The following KLRG1 variants were observed in gnomAD, a reference collection of about 807,000 sequenced individuals.
KLRG1 encodes killer cell lectin-like receptor subfamily G member 1.
A neutral mutation model predicts 21.8 loss-of-function variants in KLRG1; 16 were observed. That is an observed-to-expected ratio of 0.73 (90% CI 0.50 to 1.11). KLRG1 has a LOEUF of 1.11. Among genes scored for constraint, KLRG1 ranks in the 50% most tolerant of loss-of-function variants. KLRG1 has a pLI of 0.00. For missense variants in KLRG1, 173 were observed against 218.3 expected (o/e 0.79, Z 1.31); for synonymous variants, 69 against 75.9 (o/e 0.91, Z 0.47).
chr12:9,001,450 T>A (rs1482193738), intron 3 of KLRG1, among the ~76,000 whole-genome samples: 1 of 152,150 alleles, frequency 6.6e-6, no homozygotes, highest in Non-Finnish European at 1.5e-5. Context: ...CTGCAGGCTC[T>A]ACCCAAACCC....
At chr12:9,201,340 A>G in the KLRG1 span, 1 of 1,557,144 alleles carries the variant, frequency 6.4e-7, no homozygotes. Context: ...AAGGTATATC[A>G]GTGGAATCTA....
chr12:9,031,422 C>G, the KLRG1 span, among the ~76,000 whole-genome samples: 1 of 152,122 alleles, frequency 6.6e-6, no homozygotes. Context: ...GAGGACTTAC[C>G]CGTTCCACCG....
At chr12:9,083,651 T>C in the KLRG1 span, among the ~76,000 whole-genome samples, 1 of 150,254 alleles carries the variant, frequency 6.7e-6, no homozygotes, top group Non-Finnish European at 1.5e-5. Flanking sequence ...TTATGGGACA[T>C]CATCATGAAA....
chr12:8,993,755 T>G (rs1438575181), intron 2 of KLRG1, among the ~76,000 whole-genome samples: 1 of 152,218 alleles, frequency 6.6e-6, no homozygotes, highest in Non-Finnish European at 1.5e-5. Context: ...TTTAACAGCT[T>G]GATCTCCAGA....
Position 8,978,048 on chromosome 12 carries a change from C to T in KLRG1, c.-155-14158C>T, listed in dbSNP as rs745575206. On this transcript the variant is annotated intron_variant, in intron 1 of 4. Transcript: ENST00000539240. ...TAATTTTTGCATTAAGAGTTTCATT[C>T]TTTTCATAGTGTGCATTGGTTAACA... Among the ~76,000 whole-genome samples the T allele has an allele frequency of 3.3e-5, 5 of 152,206 alleles. No homozygotes were observed. In the East Asian group the frequency reaches 5.8e-4, roughly 18 times the overall value.
chr12:9,027,896 A>G, the KLRG1 span: 6 of 886,350 alleles, frequency 6.8e-6, no homozygotes, highest in South Asian at 7.8e-5. Context: ...AGTTTCCAGA[A>G]CCATTTCGAC....
the KLRG1 span, among the ~76,000 whole-genome samples, chr12:9,130,267 A>T: frequency 6.6e-6 from 1 of 152,208 alleles, no homozygotes; most frequent in Non-Finnish European, 1.5e-5. Flanking sequence ...GTGGTATATA[A>T]ATATCTCTTC....
chr12:9,107,447 C>A, the KLRG1 span: 2 of 1,549,104 alleles, frequency 1.3e-6, no homozygotes, highest in South Asian at 1.2e-5. Flanking sequence ...CTTCCTGCGT[C>A]AGAAAAATGC....
the KLRG1 span, among the ~76,000 whole-genome samples, chr12:9,190,637 C>T: frequency 6.6e-6 from 1 of 152,058 alleles, no homozygotes; most frequent in Non-Finnish European, 1.5e-5. Context: ...GTACAACAAA[C>T]CCCATGACAC....
chr12:9,057,079 A>G, the KLRG1 span, among the ~76,000 whole-genome samples: 5 of 152,184 alleles, frequency 3.3e-5, no homozygotes, highest in Non-Finnish European at 5.9e-5. Context: ...ATATACATGT[A>G]TATTACAGGT....
At chr12:9,163,597 T>G in the KLRG1 span, 50 of 1,525,226 alleles carry the variant, frequency 3.3e-5, no homozygotes, top group South Asian at 5.6e-4. Context: ...TTAATGGTTC[T>G]TTGTTGTCTC....
the KLRG1 span, chr12:9,070,671 AG>A: frequency 1.1e-5 from 9 of 822,122 alleles, no homozygotes; most frequent in South Asian, 1.4e-4. Flanking sequence ...CAGCTCTAAA[AG>A]GTACACGTAA....
At chr12:9,100,427 C>CTTAT in the KLRG1 span, among the ~76,000 whole-genome samples, 2,988 of 151,636 alleles carry the variant, frequency 0.02, 45 homozygotes, top group Middle Eastern at 0.048. Flanking sequence ...CCCCTTTGTT[C>CTTAT]TTATTTATTT....
chr12:9,041,249 C>G, the KLRG1 span, among the ~76,000 whole-genome samples: 1 of 152,160 alleles, frequency 6.6e-6, no homozygotes, highest in East Asian at 1.9e-4. Context: ...GCAGGAGAAT[C>G]ACTCGAACCT....
chr12:9,111,036 G>T, the KLRG1 span, among the ~76,000 whole-genome samples: 1 of 152,026 alleles, frequency 6.6e-6, no homozygotes, highest in Non-Finnish European at 1.5e-5. Flanking sequence ...ATTAAGATGG[G>T]TCATAGAATT....
At chr12:9,068,054 A>G in the KLRG1 span, 2 of 1,154,964 alleles carry the variant, frequency 1.7e-6, no homozygotes, top group Non-Finnish European at 1.2e-6. Context: ...GTGTTTTTCT[A>G]TAATAATGTG....
At chr12:9,192,132 A>G in the KLRG1 span, 1 of 1,399,180 alleles carries the variant, frequency 7.1e-7, no homozygotes, top group Non-Finnish European at 1.0e-6. Flanking sequence ...ATGAACTGTC[A>G]CCGAGGGAAG....
At chr12:8,958,805 C>T (rs556380596) in intron 1 of KLRG1, among the ~76,000 whole-genome samples, 97 of 150,398 alleles carry the variant, frequency 6.4e-4, no homozygotes, top group Non-Finnish European at 1.2e-3. Context: ...TTCAGAGAGC[C>T]GTGGTTGCAC....
the KLRG1 span, among the ~76,000 whole-genome samples, chr12:9,187,443 C>T: frequency 6.6e-6 from 1 of 152,180 alleles, no homozygotes; most frequent in African/African-American, 2.4e-5. Flanking sequence ...TAAAACTATC[C>T]TCAGCAAATT....
Sources: gnomAD v4.1 joint callset for allele counts (sites outside exome capture counted in the v4.1 genomes callset) on GRCh38, gnomAD v4.1.1 for gene constraint, MANE v1.5 for transcripts, NCBI Gene and HGNC (gene_info 2026-07-23, HGNC 2026-07-21) for gene names.